The following SEMA4F variants were observed in gnomAD, a reference collection of about 807,000 sequenced individuals.
SEMA4F encodes the protein ssemaphorin 4F.
In SEMA4F, 51 loss-of-function variants were observed where a neutral mutation model predicts 78.4. The ratio of observed to expected loss-of-function variants is 0.65; its 90% CI spans 0.52 to 0.82. SEMA4F has a LOEUF of 0.82. Ranked by LOEUF, SEMA4F falls within the 40% of genes least tolerant of loss-of-function variation. The pLI is 0.00. For missense variants in SEMA4F, 938 were observed against 1,014.4 expected, an observed-to-expected ratio of 0.92 and a Z score of 1.02; for synonymous variants, 418 against 408.7, an observed-to-expected ratio of 1.02 and a Z score of -0.27.
At chr2:74,663,638 G>A (rs1261031336) in intron 5 of SEMA4F, among the ~76,000 whole-genome samples, 1 of 152,154 alleles carries the variant, frequency 6.6e-6, no homozygotes, top group Non-Finnish European at 1.5e-5. Flanking sequence ...TAGTGAGAGA[G>A]GGGGCAAGAG....
chr2:74,694,347 G>A, the SEMA4F span, among the ~76,000 whole-genome samples: 13 of 152,118 alleles, frequency 8.5e-5, no homozygotes, highest in Admixed American at 5.2e-4. Context: ...CACCTTGGCA[G>A]GTGCTCTGAG....
At chr2:74,660,616 A>G (rs1684377544) in intron 4 of SEMA4F, among the ~76,000 whole-genome samples, 1 of 152,242 alleles carries the variant, frequency 6.6e-6, no homozygotes, top group Non-Finnish European at 1.5e-5. Flanking sequence ...CAACATTCAG[A>G]TAGATAATAT....
chr2:74,685,155 A>G (rs966031736), downstream of SEMA4F, among the ~76,000 whole-genome samples: 2 of 152,220 alleles, frequency 1.3e-5, no homozygotes, highest in Admixed American at 6.5e-5. Context: ...CATGGAGTAC[A>G]GTGAATTTCC....
downstream of SEMA4F, among the ~76,000 whole-genome samples, chr2:74,686,289 C>G (rs1167545217): frequency 6.6e-6 from 1 of 152,058 alleles, no homozygotes; most frequent in African/African-American, 2.4e-5. Context: ...TTAGTAGAGA[C>G]GGGGTTTCAC....
intron 7 of SEMA4F, 112 bp downstream of exon 7, chr2:74,673,940 C>G: frequency 7.7e-7 from 1 of 1,294,786 alleles, no homozygotes; most frequent in Non-Finnish European, 1.1e-6. Context: ...CTCCTATTTT[C>G]TCTGCCTTGA....
intron 1 of SEMA4F, 76 bp from the exon 2 acceptor site, chr2:74,656,458 G>T (rs1308892115): frequency 1.5e-5 from 22 of 1,474,072 alleles, no homozygotes; most frequent in Non-Finnish European, 1.9e-5. Context: ...ACAAAAATTG[G>T]CCCCTTTGGT....
chr2:74,657,226 T>C (rs1372110236), intron 2 of SEMA4F, among the ~76,000 whole-genome samples: 1 of 152,230 alleles, frequency 6.6e-6, no homozygotes, highest in African/African-American at 2.4e-5. Flanking sequence ...TAAAACACTT[T>C]TGATCACAAG....
At position 74,662,795 on chromosome 2, in the gene SEMA4F, C is replaced by T. The variant is rs751082415; in HGVS notation, c.520C>T (p.Pro174Ser). 6.2e-7 allele frequency: 1 copy of T among 1,614,124 alleles called. No individual in the cohort carries two copies. The highest frequency in any genetic ancestry group is 2.2e-5 in the East Asian group (1 of 44,886). The part of the protein sequence containing the change: ...ESGRGKCPFE[P>S]AQRSAAVMAG... ...TGGCCGGGGGAAATGTCCTTTTGAG[C>T]CAGCTCAGCGGTCAGCAGCTGTAAT... Residue 174 changes from proline (P) to serine (S), a missense_variant, in exon 5 of 14, where the codon CCA becomes TCA. By Grantham distance (74) the Pro-to-Ser change is moderately conservative. Coordinates refer to ENST00000357877, the MANE Select transcript of SEMA4F (RefSeq NM_004263.5).
chr2:74,704,866 C>T, the SEMA4F span, among the ~76,000 whole-genome samples: 1 of 152,170 alleles, frequency 6.6e-6, no homozygotes, highest in African/African-American at 2.4e-5. Context: ...CTATGATTTG[C>T]CCTGCTCTTC....
At chr2:74,701,447 A>G in the SEMA4F span, among the ~76,000 whole-genome samples, 1 of 152,196 alleles carries the variant, frequency 6.6e-6, no homozygotes, top group Admixed American at 6.5e-5. Context: ...TTCCACAGCC[A>G]GGTTGAGTGG....
chr2:74,679,585 G>T lies in SEMA4F; in HGVS notation c.1703-14G>T. 6.3e-7 allele frequency: 1 copy of T among 1,583,436 alleles called. No individual in the cohort carries two copies. Reference sequence around the variant, plus strand: ...TAGCCTCACCTCCTTTTGTGCCTTTGCTGTTTCTCACAGAACGTCCAGTAG... The same window carrying T: ...TAGCCTCACCTCCTTTTGTGCCTTTTCTGTTTCTCACAGAACGTCCAGTAG... On this transcript the variant is annotated splice_polypyrimidine_tract_variant and intron_variant, in intron 13 of 13. Transcript: ENST00000357877.
chr2:74,654,337 C>G lies in SEMA4F; in HGVS notation c.-40C>G. The stretch of plus-strand genomic sequence containing the variant: ...GTAGCCCCGGGGCCCTGAGCAGAGG[C>G]CGTAGCTTGCGCCGCACCCGCGGCC... On this transcript the variant is annotated 5_prime_UTR_variant, in exon 1 of 14. Transcript: ENST00000357877. The G allele has an allele frequency of 6.9e-7, 1 of 1,444,428 alleles. No homozygotes were observed. The highest frequency in any genetic ancestry group is 9.0e-7 in the Non-Finnish European group (1 of 1,106,338). The allele number at this position is 1,444,428 out of a possible 1,614,324, so 89.5% of individuals were successfully genotyped here.
At chr2:74,689,859 T>C in the SEMA4F span, among the ~76,000 whole-genome samples, 1 of 152,204 alleles carries the variant, frequency 6.6e-6, no homozygotes, top group Admixed American at 6.5e-5. Context: ...TCTATAATCA[T>C]GTCTCAACAC....
Position 74,657,790 on chromosome 2 carries a change from C to T in SEMA4F, c.358-63C>T, listed in dbSNP as rs149656007. ...CCAAAGCTGCATCTAACTGTCCTGA[C>T]GTTACCTTACCCTTCCTCGTACCTG... On this transcript the variant is annotated intron_variant, in intron 3 of 13. Coordinates refer to ENST00000357877, the MANE Select transcript of SEMA4F (RefSeq NM_004263.5). 1,382 of 1,499,656 alleles carry T rather than the reference C, an allele frequency of 9.2e-4. 1 individual carries two copies. The highest frequency in any genetic ancestry group is 1.2e-3 in the Non-Finnish European group (1,285 of 1,075,750). The allele number at this position is 1,499,656 out of a possible 1,614,324, so 92.9% of individuals were successfully genotyped here.
chr2:74,682,968 A>C lies in SEMA4F; in HGVS notation c.*2759A>C, dbSNP rs1662006648. On this transcript the variant is annotated 3_prime_UTR_variant, in exon 14 of 14. Transcript: ENST00000357877. Reference sequence around the variant, plus strand: ...CATTCCTTCCAATGGAAACCACAATAAGCACTCTTGCCCACGTTTTCCCTG... The same window carrying C: ...CATTCCTTCCAATGGAAACCACAATCAGCACTCTTGCCCACGTTTTCCCTG... 1.3e-5 allele frequency: 2 copies of C among 152,310 alleles called. No homozygotes were observed. The highest frequency in any genetic ancestry group is 2.9e-5 in the Non-Finnish European group (2 of 68,216). 9.4% of individuals were successfully genotyped at this position (152,310 alleles called of 1,614,324 possible). A position where few individuals can be genotyped will look rare whatever the true frequency, so the allele number is the denominator to read the frequency against.
At chr2:74,669,985 T>A (rs544904019) in intron 5 of SEMA4F, among the ~76,000 whole-genome samples, 1 of 152,328 alleles carries the variant, frequency 6.6e-6, no homozygotes, top group East Asian at 1.9e-4. Context: ...TATATACTTA[T>A]TTTTTAAAAA....
the SEMA4F span, among the ~76,000 whole-genome samples, chr2:74,708,974 T>C: frequency 6.6e-6 from 1 of 152,096 alleles, no homozygotes; most frequent in Non-Finnish European, 1.5e-5. Flanking sequence ...GAGACCAGCC[T>C]GGGAAACATG....
intron 5 of SEMA4F, among the ~76,000 whole-genome samples, chr2:74,672,732 C>T (rs976923633): frequency 1.3e-5 from 2 of 152,112 alleles, no homozygotes; most frequent in African/African-American, 4.8e-5. Flanking sequence ...CCTGGAGCAC[C>T]TCTGCCCCTC....
At chr2:74,704,361 T>C in the SEMA4F span, among the ~76,000 whole-genome samples, 1 of 149,316 alleles carries the variant, frequency 6.7e-6, no homozygotes, top group Non-Finnish European at 1.5e-5. Context: ...TGGATAAAGA[T>C]GTCAGCCCTT....
Sources: gnomAD v4.1 joint callset for allele counts (sites outside exome capture counted in the v4.1 genomes callset) on GRCh38, gnomAD v4.1.1 for gene constraint, MANE v1.5 for transcripts, NCBI Gene and HGNC (gene_info 2026-07-23, HGNC 2026-07-21) for gene names.